EIF2AK4: variants seen among roughly 807,000 people sequenced by gnomAD.
EIF2AK4 encodes eIF-2-alpha kinase GCN2.
EIF2AK4 carries 139 observed loss-of-function variants against 211.1 expected under a neutral mutation model. The ratio of observed to expected loss-of-function variants is 0.66; its 90% CI spans 0.57 to 0.76. The LOEUF (loss-of-function observed/expected upper bound fraction) is 0.76. EIF2AK4 is among the 30% of genes least tolerant of loss of function. EIF2AK4 has a pLI of 0.00. For missense variants in EIF2AK4, 1,664 were observed against 2,043.8 expected, an observed-to-expected ratio of 0.81 and a Z score of 3.58; for synonymous variants, 710 against 751.3, an observed-to-expected ratio of 0.94 and a Z score of 0.90.
chr15:40,013,086 A>T (rs2035255824), intron 27 of EIF2AK4, among the ~76,000 whole-genome samples: 1 of 152,248 alleles, frequency 6.6e-6, no homozygotes, highest in Non-Finnish European at 1.5e-5. Flanking sequence ...GGGTAATTTA[A>T]TGTTCAAATT....
rs377519007 is a variant in EIF2AK4 at position 39,944,691 on chromosome 15, C to G, written c.360+1206C>G. ...CTCGTGGTCCACCCGCCTCGGCCTC[C>G]CAAAGTGCTGGGATTACAGGCGTGA... On this transcript the variant is annotated intron_variant, in intron 3 of 38. Coordinates refer to ENST00000263791, the MANE Select transcript of EIF2AK4 (RefSeq NM_001013703.4). Among the ~76,000 whole-genome samples the G allele has an allele frequency of 1.6e-4, 24 of 152,236 alleles. No homozygotes were observed. The East Asian group carries it at 1.9e-3, about 12-fold the overall frequency.
chr15:39,963,793 GA>G (rs2034505498), intron 7 of EIF2AK4, among the ~76,000 whole-genome samples: 2 of 152,180 alleles, frequency 1.3e-5, no homozygotes, highest in South Asian at 4.1e-4. Flanking sequence ...TTCCCATCAT[GA>G]AAAACTGACA....
chr15:40,033,969 A>T (rs979784144), intron 37 of EIF2AK4, among the ~76,000 whole-genome samples: 4 of 151,022 alleles, frequency 2.6e-5, no homozygotes. Flanking sequence ...TGGAGGTTGC[A>T]GTGAGCCGAG....
chr15:39,976,282 C>CA, intron 11 of EIF2AK4, 132 bp from the exon 12 acceptor site: 1 of 899,988 alleles, frequency 1.1e-6, no homozygotes, highest in Admixed American at 3.7e-5. Context: ...GAATTTCAGG[C>CA]ATGTGGTTCT....
intron 23 of EIF2AK4, among the ~76,000 whole-genome samples, chr15:40,005,076 G>C (rs1322657140): frequency 1.3e-5 from 2 of 152,178 alleles, no homozygotes; most frequent in Non-Finnish European, 2.9e-5. Context: ...TATAGGCATA[G>C]TAGTAGATAT....
At chr15:39,975,798 A>C (rs2034685634) in intron 11 of EIF2AK4, among the ~76,000 whole-genome samples, 1 of 152,204 alleles carries the variant, frequency 6.6e-6, no homozygotes, top group Non-Finnish European at 1.5e-5. Flanking sequence ...TAAGCTAAGC[A>C]CCTTTCTCTG....
At chr15:39,949,437 T>G (rs2034276683) in intron 4 of EIF2AK4, among the ~76,000 whole-genome samples, 169 bp downstream of exon 4, 1 of 152,190 alleles carries the variant, frequency 6.6e-6, no homozygotes, top group African/African-American at 2.4e-5. Flanking sequence ...GATTCCCTCC[T>G]GACACATATC....
At chr15:39,976,905 T>TC (rs1048863380) in intron 12 of EIF2AK4, 61 bp downstream of exon 12, 4 of 1,413,624 alleles carry the variant, frequency 2.8e-6, no homozygotes, top group Non-Finnish European at 3.7e-6. Context: ...TTCTTTATTT[T>TC]TTTTTCCTTT....
intron 15 of EIF2AK4, among the ~76,000 whole-genome samples, chr15:39,988,724 G>A (rs2034900599): frequency 6.6e-6 from 1 of 152,180 alleles, no homozygotes; most frequent in Non-Finnish European, 1.5e-5. Flanking sequence ...ATTAGGGCCA[G>A]GTGCGGTGGC....
Position 39,934,240 on chromosome 15 carries a change from T to C in EIF2AK4, c.45T>C (p.Pro15=), listed in dbSNP as rs1356420976. 86 of 1,606,380 alleles carry C rather than the reference T, an allele frequency of 5.4e-5. No homozygotes were observed. Among genetic ancestry groups the C allele is most frequent in the Non-Finnish European group, 6.6e-5 (78 of 1,177,056 alleles). ...CCCCCGGGCGCGGCCGGGACGAGCC[T>C]CCGGAGAGCTACCCGCAACGACAGG... ...RGAPGRGRDE[P]PESYPQRQDH... Residue 15 remains proline, a synonymous_variant, in exon 1 of 39, where the codon CCT becomes CCC. Coordinates refer to ENST00000263791, the MANE Select transcript of EIF2AK4 (RefSeq NM_001013703.4).
At chr15:40,019,666 GT>G (rs1373799618) in intron 30 of EIF2AK4, among the ~76,000 whole-genome samples, 1 of 152,160 alleles carries the variant, frequency 6.6e-6, no homozygotes, top group African/African-American at 2.4e-5. Flanking sequence ...AGATGGAATA[GT>G]TTCATTCCAA....
At chr15:40,015,178 C>T (rs1477409025) in intron 27 of EIF2AK4, among the ~76,000 whole-genome samples, 8 of 152,228 alleles carry the variant, frequency 5.3e-5, no homozygotes, top group Non-Finnish European at 1.2e-4. Flanking sequence ...GTTCCAACCT[C>T]TGCCTGTTAC....
chr15:39,942,724 G>A (rs1192434019), intron 2 of EIF2AK4, among the ~76,000 whole-genome samples: 1 of 152,202 alleles, frequency 6.6e-6, no homozygotes, highest in Non-Finnish European at 1.5e-5. Flanking sequence ...GGTGCAGAGA[G>A]TGTGCATGAC....
intron 31 of EIF2AK4, chr15:40,021,741 G>A (rs1296729678): frequency 6.6e-6 from 1 of 152,342 alleles, no homozygotes. Flanking sequence ...CATAGAAGGG[G>A]TGCACTCCCA....
At chr15:40,034,487 T>A in intron 38 of EIF2AK4, 43 bp downstream of exon 38, 1 of 1,477,320 alleles carries the variant, frequency 6.8e-7, no homozygotes, top group Non-Finnish European at 9.5e-7. Context: ...ATGGTTAAAA[T>A]TCAGGGCGGG....
Position 39,965,683 on chromosome 15 carries a change from C to T in EIF2AK4, c.860-3C>T. 1 of 1,613,528 alleles carries T rather than the reference C, an allele frequency of 6.2e-7. No homozygotes were observed. The highest frequency in any genetic ancestry group is 8.5e-7 in the Non-Finnish European group (1 of 1,179,786). On this transcript the variant is annotated splice_region_variant and splice_polypyrimidine_tract_variant and intron_variant, in intron 7 of 38. Coordinates refer to ENST00000263791, the MANE Select transcript of EIF2AK4 (RefSeq NM_001013703.4). ...TTAATTACACTTTCTGTTTAATGTG[C>T]AGGCAGTGATGAACAACTTGGAAAA...
intron 12 of EIF2AK4, 119 bp downstream of exon 12, chr15:39,976,963 T>A: frequency 1.6e-6 from 2 of 1,254,212 alleles, no homozygotes; most frequent in Non-Finnish European, 2.1e-6. Context: ...CTTTCTTTCC[T>A]TTTTTGAGAT....
At chr15:39,973,819 GACTTT>G in intron 11 of EIF2AK4, 70 bp downstream of exon 11, 1 of 1,559,874 alleles carries the variant, frequency 6.4e-7, no homozygotes, top group South Asian at 1.2e-5. Flanking sequence ...AAGACTCATG[GACTTT>G]ACTTTTATTT....
In EIF2AK4 at chr15:40,022,571, C is replaced by A. The variant is rs780032707; in HGVS notation, c.4355C>A (p.Ala1452Asp). 1 of 1,614,144 alleles carries A rather than the reference C, an allele frequency of 6.2e-7. No individual in the cohort carries two copies. The stretch of plus-strand genomic sequence containing the variant: ...AGACATCATGAAATCACCTATGTGG[C>A]CCTTGTCTCGGATAAAGAAGGAAGC... ...YCRHHEITYV[A>D]LVSDKEGSHV... Residue 1452 changes from alanine (A) to aspartate (D), a missense_variant, in exon 32 of 39, where the codon GCC becomes GAC. Transcript: ENST00000263791.
Sources: allele counts gnomAD v4.1 joint callset (sites outside exome capture counted in the v4.1 genomes callset), GRCh38; gene constraint gnomAD v4.1.1; transcripts MANE v1.5; gene names NCBI Gene and HGNC (gene_info 2026-07-23, HGNC 2026-07-21).